SRD5A2: variants seen among roughly 807,000 people sequenced by gnomAD.
SRD5A2 encodes the protein 3-oxo-5-alpha-steroid 4-dehydrogenase 2.
In SRD5A2, 30 loss-of-function variants were observed where a neutral mutation model predicts 27.4. The observed-to-expected ratio is 1.10, with a 90% CI of 0.82 to 1.49. The LOEUF (loss-of-function observed/expected upper bound fraction) is 1.49, where lower values mean the gene tolerates loss of function less well. Among genes scored for constraint, SRD5A2 ranks in the 40% most tolerant of loss-of-function variants. The probability of loss-of-function intolerance (pLI) is 0.00; values close to 1 mark genes in which losing one functional copy is unlikely to be tolerated. For synonymous variants in SRD5A2, 141 were observed against 133.6 expected (o/e 1.06, Z -0.38); for missense variants, 348 against 323.4 (o/e 1.08, Z -0.58).
At chr2:31,653,533 T>G in the SRD5A2 span, among the ~76,000 whole-genome samples, 1 of 152,196 alleles carries the variant, frequency 6.6e-6, no homozygotes, top group Non-Finnish European at 1.5e-5. Context: ...TGTCTCTGTA[T>G]GCACCCTGAA....
intron 1 of SRD5A2, among the ~76,000 whole-genome samples, chr2:31,575,192 G>A (rs1487482564): frequency 2.0e-5 from 3 of 151,992 alleles, no homozygotes; most frequent in African/African-American, 7.3e-5. Context: ...TTCTCATTCT[G>A]ATTCTCAGCA....
chr2:31,613,315 T>C, the SRD5A2 span, among the ~76,000 whole-genome samples: 1 of 151,916 alleles, frequency 6.6e-6, no homozygotes, highest in Admixed American at 6.6e-5. Flanking sequence ...AACAACTCAA[T>C]GGATAAAAAA....
At chr2:31,608,805 G>T in the SRD5A2 span, among the ~76,000 whole-genome samples, 1 of 151,934 alleles carries the variant, frequency 6.6e-6, no homozygotes, top group Non-Finnish European at 1.5e-5. Context: ...CCATGTCCAC[G>T]GTTTGGAAGA....
At chr2:31,649,966 AGATTGATTAGATT>A in the SRD5A2 span, among the ~76,000 whole-genome samples, 3 of 89,750 alleles carry the variant, frequency 3.3e-5, no homozygotes, top group African/African-American at 8.1e-5. Flanking sequence ...AATCAATTTT[AGATTGATTAGATT>A]GATTGATTAG....
the SRD5A2 span, among the ~76,000 whole-genome samples, chr2:31,609,005 G>C: frequency 6.6e-6 from 1 of 152,140 alleles, no homozygotes; most frequent in South Asian, 2.1e-4. Flanking sequence ...TTTTCTAAGA[G>C]AGAAAGAGGG....
At chr2:31,638,148 G>T in the SRD5A2 span, among the ~76,000 whole-genome samples, 2 of 151,908 alleles carry the variant, frequency 1.3e-5, no homozygotes, top group Admixed American at 6.6e-5. Flanking sequence ...TTTATTTCAA[G>T]AAATTTTTAA....
chr2:31,547,678 GGACTGA>G (rs1409146879), intron 1 of SRD5A2, among the ~76,000 whole-genome samples: 2 of 152,110 alleles, frequency 1.3e-5, no homozygotes, highest in African/African-American at 2.4e-5. Context: ...TTTCAGTCCT[GGACTGA>G]GAATTGCAAC....
intron 1 of SRD5A2, among the ~76,000 whole-genome samples, chr2:31,550,357 G>A (rs1224619372): frequency 6.6e-6 from 1 of 150,414 alleles, no homozygotes; most frequent in Non-Finnish European, 1.5e-5. Flanking sequence ...AAATAGAAGA[G>A]CTTCTCAATT....
At chr2:31,610,938 T>G in the SRD5A2 span, among the ~76,000 whole-genome samples, 1 of 151,982 alleles carries the variant, frequency 6.6e-6, no homozygotes, top group East Asian at 1.9e-4. Context: ...TGAAACCCCA[T>G]CTCTACTAAA....
intron 1 of SRD5A2, among the ~76,000 whole-genome samples, chr2:31,542,877 T>C (rs1208824486): frequency 6.6e-6 from 1 of 151,486 alleles, no homozygotes; most frequent in Non-Finnish European, 1.5e-5. Context: ...GTAGAGAGAA[T>C]ATAGGAAGAA....
intron 1 of SRD5A2, among the ~76,000 whole-genome samples, chr2:31,571,201 G>A (rs573450224): frequency 4.3e-4 from 66 of 152,104 alleles, no homozygotes; most frequent in African/African-American, 1.6e-3. Flanking sequence ...AGGATAGAGT[G>A]CCCAGAAACA....
chr2:31,662,305 T>C, the SRD5A2 span, among the ~76,000 whole-genome samples: 2 of 152,006 alleles, frequency 1.3e-5, no homozygotes, highest in Non-Finnish European at 2.9e-5. Context: ...GGTTTGCAGG[T>C]TGTTTTGTGT....
In SRD5A2 at chr2:31,522,852, A is replaced by G. The variant is rs974224548; in HGVS notation, c.*3344T>C. 1.3e-5 allele frequency: 3 copies of G among 222,662 alleles called. No individual in the cohort carries two copies. The highest frequency in any genetic ancestry group is 5.7e-5 in the Admixed American group (1 of 17,452). 13.8% of individuals were successfully genotyped at this position (222,662 alleles called of 1,614,324 possible). A position where few individuals can be genotyped will look rare whatever the true frequency, so the allele number is the denominator to read the frequency against. ...TAGAGAACCAAAAGGCCAAGCGGGAAAAGAAATGAATCTTCATGAGCCTAT... is the reference window on the plus strand; with the variant it reads ...TAGAGAACCAAAAGGCCAAGCGGGAGAAGAAATGAATCTTCATGAGCCTAT... On this transcript the variant is annotated 3_prime_UTR_variant, in exon 5 of 5. Coordinates refer to ENST00000622030, the MANE Select transcript of SRD5A2 (RefSeq NM_000348.4).
At chr2:31,615,359 T>C in the SRD5A2 span, among the ~76,000 whole-genome samples, 18 of 152,250 alleles carry the variant, frequency 1.2e-4, no homozygotes, top group East Asian at 2.5e-3. Context: ...GATAGTGATA[T>C]AGATAATAAG....
At position 31,526,028 on chromosome 2, in the gene SRD5A2, T is replaced by A. The variant is rs1415109852; in HGVS notation, c.*168A>T. The A allele has an allele frequency of 1.9e-6, 1 of 525,052 alleles. No individual in the cohort carries two copies. The highest frequency in any genetic ancestry group is 2.0e-5 in the African/African-American group (1 of 50,714). 32.5% of individuals were successfully genotyped at this position (525,052 alleles called of 1,614,324 possible). ...ATAGGGGTCCCTGGAAGGGTAGGAG[T>A]AAACTCTAAGCAGACACCACTCAGA... On this transcript the variant is annotated 3_prime_UTR_variant, in exon 5 of 5. Transcript: ENST00000622030.
chr2:31,598,242 A>C, the SRD5A2 span, among the ~76,000 whole-genome samples: 2 of 152,100 alleles, frequency 1.3e-5, no homozygotes, highest in Non-Finnish European at 2.9e-5. Context: ...GTAGGAGCTA[A>C]GCTATAAGAA....
chr2:31,636,992 A>G, the SRD5A2 span, among the ~76,000 whole-genome samples: 2 of 152,082 alleles, frequency 1.3e-5, no homozygotes, highest in Admixed American at 1.3e-4. Flanking sequence ...CTCAGAAATG[A>G]GTTTGCAAGT....
intron 1 of SRD5A2, among the ~76,000 whole-genome samples, chr2:31,535,695 C>G (rs1001884975): frequency 6.6e-6 from 1 of 152,166 alleles, no homozygotes; most frequent in Non-Finnish European, 1.5e-5. Context: ...CACAACAGTG[C>G]CTACAATTCA....
At chr2:31,637,796 T>A in the SRD5A2 span, among the ~76,000 whole-genome samples, 1 of 152,114 alleles carries the variant, frequency 6.6e-6, no homozygotes, top group East Asian at 1.9e-4. Context: ...ATATTTTCTT[T>A]ATTATTTCTG....
Sources: allele counts gnomAD v4.1 joint callset (sites outside exome capture counted in the v4.1 genomes callset), GRCh38; gene constraint gnomAD v4.1.1; transcripts MANE v1.5; gene names NCBI Gene and HGNC (gene_info 2026-07-23, HGNC 2026-07-21).